Variants in GMDS observed in about 807,000 individuals in gnomAD.
GMDS encodes GDP-mannose 4,6-dehydratase, also known as GDP-mannose 4,6 dehydratase.
Under a neutral mutation model 49.9 loss-of-function variants are expected in GMDS, and 20 were observed. That is an observed-to-expected ratio of 0.40 (90% CI 0.28 to 0.58). The LOEUF is 0.58. Ranked by LOEUF, GMDS falls within the 20% of genes least tolerant of loss-of-function variation. The pLI is 0.42. For missense variants in GMDS, 362 were observed against 481.4 expected (o/e 0.75, Z 2.32); for synonymous variants, 177 against 178.6 (o/e 0.99, Z 0.07).
chr6:1,760,900 G>A (rs1422540502), intron 7 of GMDS, among the ~76,000 whole-genome samples: 1 of 152,194 alleles, frequency 6.6e-6, no homozygotes, highest in Non-Finnish European at 1.5e-5. Context: ...ACCCGGGACT[G>A]GGATGGTCTG....
intron 9 of GMDS, among the ~76,000 whole-genome samples, chr6:1,700,557 G>A (rs1765507684): frequency 1.3e-5 from 2 of 152,158 alleles, no homozygotes; most frequent in South Asian, 4.1e-4. Context: ...GCAGAGTCAG[G>A]AGCTGCACGG....
At chr6:2,218,928 A>T (rs1018705636) in intron 1 of GMDS, among the ~76,000 whole-genome samples, 10 of 152,236 alleles carry the variant, frequency 6.6e-5, no homozygotes, top group East Asian at 3.9e-4. Flanking sequence ...GAATTTCTTT[A>T]AAAATCTCTT....
At chr6:2,190,742 G>C (rs954034911) in intron 1 of GMDS, among the ~76,000 whole-genome samples, 1 of 152,206 alleles carries the variant, frequency 6.6e-6, no homozygotes, top group Non-Finnish European at 1.5e-5. Flanking sequence ...TCACAAAGAA[G>C]GTTCTTAACA....
At position 1,623,807 on chromosome 6, in the gene GMDS, G is replaced by A. The variant is rs1762760672; in HGVS notation, c.*362C>T. 3.7e-6 allele frequency: 1 copy of A among 267,292 alleles called. No homozygotes were observed. Among genetic ancestry groups the A allele is most frequent in the Non-Finnish European group, 7.1e-6 (1 of 140,504 alleles). The allele number at this position is 267,292 out of a possible 1,614,324, so 16.6% of individuals were successfully genotyped here. On this transcript the variant is annotated 3_prime_UTR_variant, in exon 11 of 11. Coordinates refer to ENST00000380815, the MANE Select transcript of GMDS (RefSeq NM_001500.4). ...AAACATCCACACTGACCCTGTGAATGCTAGTTCACAGAAAGACCATTTTTA... is the reference window on the plus strand; with the variant it reads ...AAACATCCACACTGACCCTGTGAATACTAGTTCACAGAAAGACCATTTTTA...
At chr6:1,663,886 G>A (rs1268623930) in intron 9 of GMDS, among the ~76,000 whole-genome samples, 1 of 152,036 alleles carries the variant, frequency 6.6e-6, no homozygotes, top group Non-Finnish European at 1.5e-5. Context: ...TTTGTGGTCT[G>A]TGCCCTCCTG....
intron 9 of GMDS, among the ~76,000 whole-genome samples, chr6:1,661,785 TG>T (rs112661730): frequency 2.0e-5 from 3 of 151,984 alleles, no homozygotes; most frequent in African/African-American, 7.3e-5. Context: ...GCTGCAGTGA[TG>T]GGGGGTGCAG....
intron 4 of GMDS, among the ~76,000 whole-genome samples, chr6:1,997,383 C>T (rs916723465): frequency 1.3e-5 from 2 of 151,684 alleles, no homozygotes; most frequent in South Asian, 2.1e-4. Flanking sequence ...TGGCACACGC[C>T]TGTAGTCCCA....
chr6:2,095,375 C>T (rs558420705), intron 4 of GMDS, among the ~76,000 whole-genome samples: 9 of 152,304 alleles, frequency 5.9e-5, no homozygotes, highest in South Asian at 4.1e-4. Flanking sequence ...TGCCACTTGA[C>T]GGATGTCTAC....
At chr6:1,663,630 C>G (rs1764152634) in intron 9 of GMDS, among the ~76,000 whole-genome samples, 1 of 152,148 alleles carries the variant, frequency 6.6e-6, no homozygotes, top group Non-Finnish European at 1.5e-5. Context: ...GGCTACTGCC[C>G]TCACCATTTC....
At chr6:2,090,566 A>G (rs1405636227) in intron 4 of GMDS, among the ~76,000 whole-genome samples, 2 of 152,222 alleles carry the variant, frequency 1.3e-5, no homozygotes, top group East Asian at 1.9e-4. Context: ...TTAAGCTTAT[A>G]AAACGACCTG....
In GMDS at chr6:2,180,711, C is replaced by T. The variant is rs116330636; in HGVS notation, c.103-55980G>A. Among the ~76,000 whole-genome samples, 972 of 152,190 alleles carry T rather than the reference C, an allele frequency of 6.4e-3. 12 individuals carry two copies. Among genetic ancestry groups the T allele is most frequent in the African/African-American group, 0.022 (932 of 41,504 alleles). On this transcript the variant is annotated intron_variant, in intron 1 of 10. Transcript: ENST00000380815. ...AAATAATAGCTAATGTGAACAAATC[C>T]TCCCATTAATTCCAAAGAATTTTAC...
At chr6:1,823,762 G>A (rs1770991544) in intron 7 of GMDS, among the ~76,000 whole-genome samples, 1 of 152,110 alleles carries the variant, frequency 6.6e-6, no homozygotes, top group African/African-American at 2.4e-5. Flanking sequence ...TATGGAGGGA[G>A]TTTGAATATT....
At chr6:1,683,823 GT>G (rs1764878367) in intron 9 of GMDS, among the ~76,000 whole-genome samples, 1 of 152,184 alleles carries the variant, frequency 6.6e-6, no homozygotes, top group Admixed American at 6.5e-5. Context: ...CACTGCACCT[GT>G]CCTAATGTCC....
intron 4 of GMDS, among the ~76,000 whole-genome samples, chr6:1,969,261 C>CAAAA (rs761741871): frequency 1.5e-3 from 21 of 14,074 alleles, no homozygotes; most frequent in South Asian, 6.8e-3. Context: ...GGCTCCATCT[C>CAAAA]AAAAAAAAAA....
At chr6:2,066,019 G>A (rs1230291505) in intron 4 of GMDS, among the ~76,000 whole-genome samples, 1 of 152,218 alleles carries the variant, frequency 6.6e-6, no homozygotes, top group Non-Finnish European at 1.5e-5. Flanking sequence ...GACAGTCAGA[G>A]AGAAAGGTCA....
chr6:1,805,323 T>C (rs1447829308), intron 7 of GMDS, among the ~76,000 whole-genome samples: 1 of 152,224 alleles, frequency 6.6e-6, no homozygotes, highest in East Asian at 1.9e-4. Context: ...GAACATATCT[T>C]ACTAAAAAGT....
intron 9 of GMDS, among the ~76,000 whole-genome samples, chr6:1,636,242 AGAGTGTGG>A (rs1763144416): frequency 6.6e-6 from 1 of 152,186 alleles, no homozygotes; most frequent in South Asian, 2.1e-4. Context: ...AGGGTGGCCT[AGAGTGTGG>A]GATAGTTCTA....
At chr6:1,721,106 A>G (rs1766370028) in intron 9 of GMDS, among the ~76,000 whole-genome samples, 1 of 152,134 alleles carries the variant, frequency 6.6e-6, no homozygotes, top group Admixed American at 6.5e-5. Context: ...TCATTATTCT[A>G]AACAGGGCTA....
At chr6:2,024,790 T>C (rs1382283449) in intron 4 of GMDS, among the ~76,000 whole-genome samples, 2 of 151,978 alleles carry the variant, frequency 1.3e-5, no homozygotes, top group African/African-American at 4.8e-5. Context: ...ATAAGTGCAT[T>C]ATTACCTATA....
Sources: gnomAD v4.1 joint callset for allele counts (sites outside exome capture counted in the v4.1 genomes callset) on GRCh38, gnomAD v4.1.1 for gene constraint, MANE v1.5 for transcripts, NCBI Gene and HGNC (gene_info 2026-07-23, HGNC 2026-07-21) for gene names.